The following PAPPA2 variants were observed in gnomAD, a reference collection of about 807,000 sequenced individuals.
PAPPA2 encodes pappalysin-2.
PAPPA2 carries 86 observed loss-of-function variants against 176.4 expected under a neutral mutation model. That is an observed-to-expected ratio of 0.49 (90% CI 0.41 to 0.58). The LOEUF is 0.58. Among genes scored for constraint, PAPPA2 ranks in the 20% least tolerant of loss-of-function variants. The pLI, the probability that PAPPA2 is intolerant of heterozygous loss-of-function variation, is 0.00. For synonymous variants in PAPPA2, 809 were observed against 852.2 expected (o/e 0.95, Z 0.88); for missense variants, 2,073 against 2,256.9 (o/e 0.92, Z 1.65).
intron 12 of PAPPA2, among the ~76,000 whole-genome samples, chr1:176,739,049 T>G (rs1341877120): frequency 6.6e-6 from 1 of 152,106 alleles, no homozygotes; most frequent in African/African-American, 2.4e-5. Context: ...GAATAAACAG[T>G]TTGGCAGATT....
intron 1 of PAPPA2, among the ~76,000 whole-genome samples, chr1:176,464,908 G>A (rs7531549): frequency 0.12 from 18,983 of 152,102 alleles, 1,415 homozygotes; most frequent in African/African-American, 0.21. Context: ...GGTTATCACC[G>A]GATAGGTGGC....
chr1:176,786,058 A>G (rs1445607834), intron 17 of PAPPA2, among the ~76,000 whole-genome samples: 2 of 152,068 alleles, frequency 1.3e-5, no homozygotes. Flanking sequence ...GAGGTAGGGG[A>G]AGGATTTCAT....
chr1:176,736,952 T>C (rs1055077642), intron 12 of PAPPA2, among the ~76,000 whole-genome samples: 3 of 152,006 alleles, frequency 2.0e-5, no homozygotes, highest in African/African-American at 7.2e-5. Context: ...ATATATGAAA[T>C]TTTTTAGGCT....
intron 3 of PAPPA2, among the ~76,000 whole-genome samples, chr1:176,627,717 A>G (rs1055963099): frequency 4.6e-5 from 7 of 152,208 alleles, no homozygotes; most frequent in Non-Finnish European, 1.5e-5. Flanking sequence ...AGAAACCTAT[A>G]GAAGGTGAGA....
At chr1:176,531,396 A>C (rs1649799096) in intron 1 of PAPPA2, among the ~76,000 whole-genome samples, 1 of 152,188 alleles carries the variant, frequency 6.6e-6, no homozygotes. Context: ...GGGTGTATAG[A>C]ATGCTTATAC....
At chr1:176,649,365 C>G (rs1657583313) in intron 3 of PAPPA2, among the ~76,000 whole-genome samples, 1 of 149,718 alleles carries the variant, frequency 6.7e-6, no homozygotes, top group South Asian at 2.1e-4. Flanking sequence ...CATATTTTAT[C>G]TTTTAAAAAA....
intron 3 of PAPPA2, among the ~76,000 whole-genome samples, chr1:176,651,593 A>T (rs1285565313): frequency 6.6e-6 from 1 of 151,556 alleles, no homozygotes; most frequent in Non-Finnish European, 1.5e-5. Flanking sequence ...CTCGGAGTAG[A>T]CTTATTTGGT....
intron 4 of PAPPA2, among the ~76,000 whole-genome samples, chr1:176,685,273 A>G (rs1273292862): frequency 6.6e-6 from 1 of 152,202 alleles, no homozygotes; most frequent in Non-Finnish European, 1.5e-5. Context: ...AATCTTCATG[A>G]CAATCCTTTG....
intron 14 of PAPPA2, among the ~76,000 whole-genome samples, chr1:176,742,393 G>A (rs1328506695): frequency 6.6e-6 from 1 of 152,140 alleles, no homozygotes; most frequent in African/African-American, 2.4e-5. Flanking sequence ...CAACAAAGAA[G>A]TTGATTAATT....
intron 3 of PAPPA2, 32 bp downstream of exon 3, chr1:176,595,627 G>A: frequency 6.4e-7 from 1 of 1,568,876 alleles, no homozygotes; most frequent in Non-Finnish European, 8.7e-7. Flanking sequence ...TGTCCTACTT[G>A]TAGGATGCAT....
intron 4 of PAPPA2, among the ~76,000 whole-genome samples, chr1:176,671,389 G>A (rs1327107866): frequency 4.6e-5 from 7 of 152,194 alleles, no homozygotes; most frequent in Admixed American, 4.6e-4. Context: ...CATAGAATAA[G>A]ATCATTTTAA....
At chr1:176,521,336 T>G (rs1010975606) in intron 1 of PAPPA2, among the ~76,000 whole-genome samples, 1 of 152,166 alleles carries the variant, frequency 6.6e-6, no homozygotes, top group Non-Finnish European at 1.5e-5. Context: ...GGAATGCTCC[T>G]TCTTGGAACT....
intron 1 of PAPPA2, among the ~76,000 whole-genome samples, chr1:176,481,332 G>C (rs1054458477): frequency 6.6e-6 from 1 of 151,114 alleles, no homozygotes; most frequent in African/African-American, 2.4e-5. Context: ...CAGGGCCATC[G>C]TGCTGTCCTC....
intron 12 of PAPPA2, among the ~76,000 whole-genome samples, chr1:176,732,740 G>A (rs1318977430): frequency 6.6e-6 from 1 of 152,122 alleles, no homozygotes; most frequent in Non-Finnish European, 1.5e-5. Flanking sequence ...GGTTTGAGGA[G>A]CACTGCTTCA....
rs200241635 is a variant in PAPPA2, at chr1:176,695,888, A to G, written c.2746+29A>G. On this transcript the variant is annotated intron_variant, in intron 7 of 22. Transcript: ENST00000367662. ...AAGTACCATGACATTTTTTCTTTATACCCTGGTGACCACTGAGGATGGGGG... is the reference window on the plus strand; with the variant it reads ...AAGTACCATGACATTTTTTCTTTATGCCCTGGTGACCACTGAGGATGGGGG... 8 of 1,609,636 alleles carry G rather than the reference A, an allele frequency of 5.0e-6. No homozygotes were observed. The Admixed American group carries it at 1.2e-4, about 24-fold the overall frequency.
chr1:176,828,206 C>T (rs532384583), intron 21 of PAPPA2, among the ~76,000 whole-genome samples: 6 of 152,130 alleles, frequency 3.9e-5, no homozygotes, highest in Admixed American at 1.3e-4. Context: ...TCCTTAACAG[C>T]GCCAGTTTTT....
At chr1:176,760,302 A>G (rs1318833260) in intron 14 of PAPPA2, among the ~76,000 whole-genome samples, 1 of 152,194 alleles carries the variant, frequency 6.6e-6, no homozygotes, top group Admixed American at 6.5e-5. Context: ...TCTTTTTGAT[A>G]ATTTGAGTTT....
intron 8 of PAPPA2, among the ~76,000 whole-genome samples, chr1:176,700,494 G>C (rs564052721): frequency 6.6e-6 from 1 of 152,230 alleles, no homozygotes; most frequent in Admixed American, 6.5e-5. Flanking sequence ...TACTTGGCTA[G>C]CACCAGATGG....
chr1:176,511,297 G>A (rs920537204), intron 1 of PAPPA2, among the ~76,000 whole-genome samples: 92 of 152,200 alleles, frequency 6.0e-4, no homozygotes, highest in African/African-American at 2.0e-3. Context: ...TACAGAAAAA[G>A]CATTTGTAAA....
Sources: gnomAD v4.1 joint callset for allele counts (sites outside exome capture counted in the v4.1 genomes callset) on GRCh38, gnomAD v4.1.1 for gene constraint, MANE v1.5 for transcripts, NCBI Gene and HGNC (gene_info 2026-07-23, HGNC 2026-07-21) for gene names.